Variants in RBM27 observed in about 807,000 individuals in gnomAD.
RBM27 encodes the protein RNA binding motif protein 27, also known as RNA-binding protein 27.
Under a neutral mutation model 135.3 loss-of-function variants are expected in RBM27, and 22 were observed. That is an observed-to-expected ratio of 0.16 (90% confidence interval 0.12 to 0.23). RBM27 has a LOEUF of 0.23. RBM27 is among the 10% of genes least tolerant of loss of function. The pLI, the probability that RBM27 is intolerant of heterozygous loss-of-function variation, is 1.00. For missense variants in RBM27, 1,009 were observed against 1,281.0 expected, an observed-to-expected ratio of 0.79 and a Z score of 3.24; for synonymous variants, 481 against 442.4, an observed-to-expected ratio of 1.09 and a Z score of -1.10.
intron 1 of RBM27, among the ~76,000 whole-genome samples, chr5:146,209,590 T>C (rs1397491596): frequency 6.6e-6 from 1 of 152,210 alleles, no homozygotes; most frequent in African/African-American, 2.4e-5. Context: ...GCAGTCCTTA[T>C]CAAATTGAAC....
At chr5:146,269,742 CTTTTTTTTTTTTTTT>C (rs34783557) in intron 17 of RBM27, among the ~76,000 whole-genome samples, 158 bp downstream of exon 17, 1 of 118,934 alleles carries the variant, frequency 8.4e-6, no homozygotes, top group South Asian at 2.7e-4. Flanking sequence ...ATTATAGTAC[CTTTTTTTTTTTTTTT>C]TTTTTTTTTA....
intron 8 of RBM27, among the ~76,000 whole-genome samples, chr5:146,238,989 A>G (rs1335188206): frequency 2.6e-5 from 4 of 152,194 alleles, no homozygotes; most frequent in East Asian, 3.8e-4. Context: ...CTAGTAAGCT[A>G]TAAGGATTCA....
chr5:146,270,072 T>G (rs1199164478), intron 17 of RBM27, among the ~76,000 whole-genome samples: 1 of 152,208 alleles, frequency 6.6e-6, no homozygotes, highest in East Asian at 1.9e-4. Context: ...GTAATAGTAT[T>G]GTAATAAAAC....
rs1561527304 is a variant in RBM27, at chr5:146,219,753, G to A, written c.178+650G>A. 2.0e-5 allele frequency among the ~76,000 whole-genome samples: 3 copies of A among 151,966 alleles called. No homozygotes were observed. In the South Asian group the frequency reaches 6.2e-4, roughly 32 times the overall value. On this transcript the variant is annotated intron_variant, in intron 2 of 20. Coordinates refer to ENST00000265271, the MANE Select transcript of RBM27 (RefSeq NM_018989.2). ...TGGATTCTTCTCTCGCTTCTTTCTG[G>A]TCTCTTCAAATGTCATCTTCTGAAA...
chr5:146,284,783 T>C (rs746593269), intron 20 of RBM27, 51 bp downstream of exon 20: 1 of 1,149,576 alleles, frequency 8.7e-7, no homozygotes, highest in Non-Finnish European at 1.3e-6. Context: ...TTCTCAATTA[T>C]GTATTTTTTA....
Position 146,230,926 on chromosome 5 carries a change from C to T in RBM27, c.850+9C>T. ...ATGCAGAGATTATGATGGTAAAAAT[C>T]ACCACCTTTTCTCATATTGTGCCCA... On this transcript the variant is annotated intron_variant, in intron 6 of 20. Coordinates refer to ENST00000265271, the MANE Select transcript of RBM27 (RefSeq NM_018989.2). The T allele has an allele frequency of 6.2e-7, 1 of 1,612,994 alleles. No individual in the cohort carries two copies. The highest frequency in any genetic ancestry group is 1.7e-4 in the Middle Eastern group (1 of 6,042).
intron 1 of RBM27, among the ~76,000 whole-genome samples, chr5:146,216,481 A>G (rs1353937275): frequency 6.6e-6 from 1 of 152,044 alleles, no homozygotes; most frequent in Non-Finnish European, 1.5e-5. Flanking sequence ...TAACATAATC[A>G]TCTCATATAG....
intron 9 of RBM27, among the ~76,000 whole-genome samples, chr5:146,252,709 A>T (rs1757948437): frequency 6.6e-6 from 1 of 152,192 alleles, no homozygotes; most frequent in Non-Finnish European, 1.5e-5. Context: ...TTTACATATC[A>T]TTTTCAAACT....
At chr5:146,262,236 C>T (rs1758430252) in intron 13 of RBM27, among the ~76,000 whole-genome samples, 1 of 152,194 alleles carries the variant, frequency 6.6e-6, no homozygotes, top group African/African-American at 2.4e-5. Context: ...TTGTTATGCA[C>T]CCTAAAGTAT....
Position 146,231,483 on chromosome 5 carries a change from G to A in RBM27, c.850+566G>A, listed in dbSNP as rs142793930. Among the ~76,000 whole-genome samples the A allele has an allele frequency of 9.9e-3, 1,500 of 152,016 alleles. 12 individuals are homozygous for A. Among genetic ancestry groups the A allele is most frequent in the Non-Finnish European group, 0.016 (1,058 of 68,000 alleles). On this transcript the variant is annotated intron_variant, in intron 6 of 20. Coordinates refer to ENST00000265271, the MANE Select transcript of RBM27 (RefSeq NM_018989.2). The stretch of plus-strand genomic sequence containing the variant: ...TTTAATGGTTTGGCTCTCATTAAGA[G>A]AATATTTAAATTTTACCCTTTTTTA...
chr5:146,259,529 G>A (rs936300820), intron 11 of RBM27, among the ~76,000 whole-genome samples: 7 of 149,262 alleles, frequency 4.7e-5, no homozygotes, highest in African/African-American at 1.7e-4. Flanking sequence ...AAAAAAAAAG[G>A]TGGTGTTCTA....
At chr5:146,259,471 T>TC (rs1758271742) in intron 11 of RBM27, among the ~76,000 whole-genome samples, 1 of 120,514 alleles carries the variant, frequency 8.3e-6, no homozygotes, top group Non-Finnish European at 1.6e-5. Flanking sequence ...ACCATTGCAC[T>TC]CCAGTCTGGG....
At chr5:146,212,590 G>C (rs1210483771) in intron 1 of RBM27, among the ~76,000 whole-genome samples, 4 of 152,096 alleles carry the variant, frequency 2.6e-5, no homozygotes, top group Admixed American at 1.3e-4. Flanking sequence ...CTGAGCTGAA[G>C]CAATCCTCCC....
chr5:146,247,250 T>G (rs190907243), intron 8 of RBM27, among the ~76,000 whole-genome samples: 212 of 152,310 alleles, frequency 1.4e-3, no homozygotes, highest in Non-Finnish European at 2.4e-3. Flanking sequence ...CCAAATATAG[T>G]AGCATTTCAT....
intron 2 of RBM27, among the ~76,000 whole-genome samples, chr5:146,222,046 C>T (rs1408471506): frequency 6.6e-6 from 1 of 151,820 alleles, no homozygotes; most frequent in Non-Finnish European, 1.5e-5. Context: ...TTTCAGATTA[C>T]AAAAGAAAAT....
At chr5:146,269,652 A>G in intron 17 of RBM27, 68 bp downstream of exon 17, 2 of 1,129,606 alleles carry the variant, frequency 1.8e-6, no homozygotes, top group Non-Finnish European at 2.4e-6. Context: ...ACACCTTGAA[A>G]GTACAATGGG....
At chr5:146,249,160 T>C (rs1287360685) in intron 8 of RBM27, among the ~76,000 whole-genome samples, 1 of 151,790 alleles carries the variant, frequency 6.6e-6, no homozygotes, top group African/African-American at 2.4e-5. Flanking sequence ...TTTTAAAATA[T>C]TTAGTAGAGA....
intron 19 of RBM27, among the ~76,000 whole-genome samples, chr5:146,281,003 G>A (rs1332877783): frequency 6.6e-6 from 1 of 151,710 alleles, no homozygotes. Context: ...GATTACAGGC[G>A]CCCACCACCA....
At chr5:146,269,686 A>G in intron 17 of RBM27, 102 bp downstream of exon 17, 3 of 673,640 alleles carry the variant, frequency 4.5e-6, no homozygotes, top group Non-Finnish European at 6.6e-6. Flanking sequence ...TAATATCCTA[A>G]CAGGGATATA....
Sources: allele counts gnomAD v4.1 joint callset (sites outside exome capture counted in the v4.1 genomes callset), GRCh38; gene constraint gnomAD v4.1.1; transcripts MANE v1.5; gene names NCBI Gene and HGNC (gene_info 2026-07-23, HGNC 2026-07-21).